Variants in SLC30A9 observed in about 807,000 individuals in gnomAD.
SLC30A9 encodes proton-coupled zinc antiporter SLC30A9, mitochondrial.
In SLC30A9, 58 loss-of-function variants were observed where a neutral mutation model predicts 87.5. That is an observed-to-expected ratio of 0.66 (90% confidence interval 0.54 to 0.82). The LOEUF (loss-of-function observed/expected upper bound fraction) is 0.82. Among genes scored for constraint, SLC30A9 ranks in the 40% least tolerant of loss-of-function variants. SLC30A9 has a pLI of 0.00. For missense variants in SLC30A9, 557 were observed against 679.1 expected, an observed-to-expected ratio of 0.82 and a Z score of 2.00; for synonymous variants, 234 against 233.0, an observed-to-expected ratio of 1.00 and a Z score of -0.04.
intron 8 of SLC30A9, among the ~76,000 whole-genome samples, chr4:42,044,386 C>CAAAAA (rs57572080): frequency 2.0e-4 from 20 of 98,708 alleles, no homozygotes; most frequent in African/African-American, 3.9e-4. Flanking sequence ...AAATGGAAAG[C>CAAAAA]AAAAAAAAAA....
chr4:42,015,181 G>A (rs1577685448), intron 2 of SLC30A9, among the ~76,000 whole-genome samples: 1 of 151,894 alleles, frequency 6.6e-6, no homozygotes, highest in Non-Finnish European at 1.5e-5. Context: ...AATGTTTAAT[G>A]TGTACCCATA....
At chr4:42,061,364 G>A (rs1717848494) in intron 10 of SLC30A9, among the ~76,000 whole-genome samples, 1 of 152,186 alleles carries the variant, frequency 6.6e-6, no homozygotes, top group Admixed American at 6.5e-5. Context: ...ATATTGGGCA[G>A]TTTAGACCTA....
intron 9 of SLC30A9, among the ~76,000 whole-genome samples, chr4:42,057,047 G>A (rs1717650237): frequency 6.6e-6 from 1 of 152,150 alleles, no homozygotes. Flanking sequence ...CACAGCCATG[G>A]GCAACTCCAC....
At chr4:42,033,678 C>A (rs898357371) in intron 6 of SLC30A9, among the ~76,000 whole-genome samples, 4 of 152,076 alleles carry the variant, frequency 2.6e-5, no homozygotes, top group Non-Finnish European at 4.4e-5. Flanking sequence ...TGGGTTCAAG[C>A]AATTCTCCTG....
Position 42,018,104 on chromosome 4 carries a change from T to C in SLC30A9, c.275-7T>C, listed in dbSNP as rs767914480. 1 of 1,502,696 alleles carries C rather than the reference T, an allele frequency of 6.7e-7. No individual in the cohort carries two copies. Among genetic ancestry groups the C allele is most frequent in the East Asian group, 2.3e-5 (1 of 43,880 alleles). The allele number at this position is 1,502,696 out of a possible 1,614,324, so 93.1% of individuals were successfully genotyped here. On this transcript the variant is annotated splice_region_variant and splice_polypyrimidine_tract_variant and intron_variant, in intron 2 of 17. Coordinates refer to ENST00000264451, the MANE Select transcript of SLC30A9 (RefSeq NM_006345.4). ...TTAATGTAAACTTCTTTTAATAAAC[T>C]TTACAGCAGAAGGTATAGGCACAGA...
intron 6 of SLC30A9, among the ~76,000 whole-genome samples, chr4:42,033,209 GA>G (rs1577697281): frequency 1.3e-5 from 2 of 152,092 alleles, no homozygotes. Context: ...AAATTTACAT[GA>G]TTTCTTAGTC....
At position 42,023,287 on chromosome 4, in the gene SLC30A9, T is replaced by C. The variant is rs780101849; in HGVS notation, c.528-15T>C. On this transcript the variant is annotated splice_polypyrimidine_tract_variant and intron_variant, in intron 5 of 17. Coordinates refer to ENST00000264451, the MANE Select transcript of SLC30A9 (RefSeq NM_006345.4). ...TTAAAATTGTTCATTGTGGTGACCATGTGTGTATGCACAGATCTTTGGAAG... is the reference window on the plus strand; with the variant it reads ...TTAAAATTGTTCATTGTGGTGACCACGTGTGTATGCACAGATCTTTGGAAG... The C allele has an allele frequency of 9.5e-6, 15 of 1,576,448 alleles. No homozygotes were observed. The South Asian group carries it at 1.3e-4, about 14-fold the overall frequency.
At chr4:42,084,650 T>C (rs1439704014) in intron 17 of SLC30A9, among the ~76,000 whole-genome samples, 3 of 152,122 alleles carry the variant, frequency 2.0e-5, no homozygotes, top group Admixed American at 2.0e-4. Context: ...TTTTGTACTT[T>C]TTAATAGAGA....
In SLC30A9 at chr4:42,088,555, T is replaced by C. The variant is rs1719001242; in HGVS notation, c.*2429T>C. The C allele has an allele frequency of 6.6e-6, 1 of 152,266 alleles. No individual in the cohort carries two copies. The highest frequency in any genetic ancestry group is 6.6e-5 in the Admixed American group (1 of 15,266). The allele number at this position is 152,266 out of a possible 1,614,324, so 9.4% of individuals were successfully genotyped here. A position where few individuals can be genotyped will look rare whatever the true frequency, so the allele number is the denominator to read the frequency against. On this transcript the variant is annotated 3_prime_UTR_variant, in exon 18 of 18. Coordinates refer to ENST00000264451, the MANE Select transcript of SLC30A9 (RefSeq NM_006345.4). ...GCTTCTGGGGAGGCCTCGGGAAACT[T>C]CATTCATGGCAGAATACGAAGGGGA...
intron 9 of SLC30A9, among the ~76,000 whole-genome samples, 193 bp from the exon 10 acceptor site, chr4:42,059,998 G>C (rs1322390722): frequency 2.0e-5 from 3 of 151,866 alleles, no homozygotes; most frequent in Non-Finnish European, 4.4e-5. Context: ...ATAAACAATG[G>C]TGTTTTGAAC....
chr4:42,066,547 T>C lies in SLC30A9; in HGVS notation c.1073-3T>C. 6.3e-7 allele frequency: 1 copy of C among 1,593,938 alleles called. No homozygotes were observed. Among genetic ancestry groups the C allele is most frequent in the South Asian group, 1.1e-5 (1 of 88,550 alleles). On this transcript the variant is annotated splice_polypyrimidine_tract_variant and splice_region_variant and intron_variant, in intron 12 of 17. Coordinates refer to ENST00000264451, the MANE Select transcript of SLC30A9 (RefSeq NM_006345.4). The stretch of plus-strand genomic sequence containing the variant: ...CTTGCTGATATGAATGCTTTTCTTT[T>C]AGCAACACTTCTTGTTGCTGTAAAT...
chr4:42,066,185 C>T (rs899210404), intron 12 of SLC30A9, among the ~76,000 whole-genome samples: 10 of 151,988 alleles, frequency 6.6e-5, no homozygotes, highest in African/African-American at 2.2e-4. Flanking sequence ...TTGACAGATC[C>T]TAATTGTATA....
chr4:42,039,078 T>C (rs1229572435), intron 8 of SLC30A9, 25 bp downstream of exon 8: 1 of 1,502,516 alleles, frequency 6.7e-7, no homozygotes, highest in African/African-American at 1.4e-5. Context: ...ATAAGCTTTG[T>C]GAAATAGAAT....
chr4:42,002,151 A>T (rs77548202), intron 2 of SLC30A9, among the ~76,000 whole-genome samples: 1 of 150,868 alleles, frequency 6.6e-6, no homozygotes, highest in East Asian at 1.9e-4. Flanking sequence ...TTTCCAAGTA[A>T]TTTTTTTTTA....
At chr4:42,002,917 C>T (rs1271757900) in intron 2 of SLC30A9, among the ~76,000 whole-genome samples, 2 of 152,144 alleles carry the variant, frequency 1.3e-5, no homozygotes, top group East Asian at 3.8e-4. Flanking sequence ...ACTAGCATCT[C>T]TTGTTTTCTG....
chr4:42,070,212 A>G (rs1289930407), intron 14 of SLC30A9: 2 of 205,978 alleles, frequency 9.7e-6, no homozygotes, highest in Non-Finnish European at 1.9e-5. Flanking sequence ...TCTAAAAGAA[A>G]TGGACTCTTC....
intron 2 of SLC30A9, among the ~76,000 whole-genome samples, chr4:42,007,811 T>A (rs1477781302): frequency 1.3e-5 from 1 of 78,944 alleles, no homozygotes. Context: ...CTTCAAGATA[T>A]CATTATCTCT....
At chr4:42,001,518 C>G (rs1473202788) in intron 1 of SLC30A9, 98 bp from the exon 2 acceptor site, 10 of 580,950 alleles carry the variant, frequency 1.7e-5, no homozygotes, top group Non-Finnish European at 2.7e-5. Context: ...TCATGTGTAC[C>G]TAGAAGCAGT....
At chr4:42,002,483 G>A (rs77660735) in intron 2 of SLC30A9, among the ~76,000 whole-genome samples, 4,800 of 151,952 alleles carry the variant, frequency 0.032, 111 homozygotes, top group Middle Eastern at 0.071. Flanking sequence ...ATGTTCATGT[G>A]TACCTAGTGT....
Sources: gnomAD v4.1 joint callset for allele counts (sites outside exome capture counted in the v4.1 genomes callset) on GRCh38, gnomAD v4.1.1 for gene constraint, MANE v1.5 for transcripts, NCBI Gene and HGNC (gene_info 2026-07-23, HGNC 2026-07-21) for gene names.